Variants in FYCO1 observed in about 807,000 individuals in gnomAD.
FYCO1 encodes the protein FYVE and coiled-coil domain autophagy adaptor 1.
FYCO1 carries 122 observed loss-of-function variants against 165.1 expected under a neutral mutation model. The ratio of observed to expected loss-of-function variants is 0.74; its 90% CI spans 0.64 to 0.86. FYCO1 has a LOEUF of 0.86. Among genes scored for constraint, FYCO1 ranks in the 40% least tolerant of loss-of-function variants. The pLI, the probability that FYCO1 is intolerant of heterozygous loss-of-function variation, is 0.00. For synonymous variants in FYCO1, 648 were observed against 742.5 expected, an observed-to-expected ratio of 0.87 and a Z score of 2.07; for missense variants, 1,702 against 1,810.3, an observed-to-expected ratio of 0.94 and a Z score of 1.09.
At chr3:45,949,028 G>A (rs1408688160) in intron 14 of FYCO1, among the ~76,000 whole-genome samples, 1 of 152,156 alleles carries the variant, frequency 6.6e-6, no homozygotes, top group Non-Finnish European at 1.5e-5. Context: ...CAAAATGGAA[G>A]CCCTCCATGT....
chr3:45,981,502 G>A, intron 3 of FYCO1, 68 bp downstream of exon 3: 1 of 1,005,528 alleles, frequency 9.9e-7, no homozygotes, highest in African/African-American at 1.6e-5. Context: ...CTTGAATGCT[G>A]ATGAGTCACC....
At chr3:45,922,172 A>C (rs554515146) in intron 17 of FYCO1, among the ~76,000 whole-genome samples, 2 of 152,322 alleles carry the variant, frequency 1.3e-5, no homozygotes, top group South Asian at 2.1e-4. Context: ...GGAGCAGGCA[A>C]TGGGAGGAGG....
At chr3:45,990,369 C>T (rs1707505571) in intron 1 of FYCO1, among the ~76,000 whole-genome samples, 1 of 152,166 alleles carries the variant, frequency 6.6e-6, no homozygotes, top group Non-Finnish European at 1.5e-5. Flanking sequence ...AAATAGATAA[C>T]ATATACCCCA....
At chr3:45,944,779 C>G (rs1371575729) in intron 14 of FYCO1, among the ~76,000 whole-genome samples, 7 of 151,776 alleles carry the variant, frequency 4.6e-5, no homozygotes, top group Admixed American at 4.6e-4. Flanking sequence ...AGGAAGATAC[C>G]AAAAAAAGGC....
intron 14 of FYCO1, chr3:45,946,601 G>C: frequency 6.2e-7 from 1 of 1,614,202 alleles, no homozygotes; most frequent in South Asian, 1.1e-5. Context: ...TGTACCTGGT[G>C]GTGTTTGTCT....
intron 2 of FYCO1, among the ~76,000 whole-genome samples, chr3:45,983,188 T>C (rs1707139311): frequency 6.6e-6 from 1 of 152,136 alleles, no homozygotes; most frequent in Non-Finnish European, 1.5e-5. Context: ...TTGTCCAACA[T>C]TTTCGAGGGT....
chr3:45,995,115 A>G (rs1575395482), intron 1 of FYCO1, among the ~76,000 whole-genome samples: 1 of 147,932 alleles, frequency 6.8e-6, no homozygotes, highest in East Asian at 2.1e-4. Flanking sequence ...CACACCAGAG[A>G]CAACAGGTGT....
intron 11 of FYCO1, among the ~76,000 whole-genome samples, chr3:45,960,358 C>T (rs2125840865): frequency 6.6e-6 from 1 of 152,352 alleles, no homozygotes; most frequent in South Asian, 2.1e-4. Flanking sequence ...GGCTCCATCA[C>T]TGACCAGGAA....
At position 45,966,723 on chromosome 3, in the gene FYCO1, G is replaced by A. The variant is rs767663393; in HGVS notation, c.2611C>T (p.Arg871Trp). The change falls in exon 8 of 18, where the codon CGG (arginine) becomes TGG (tryptophan). Residue 871 changes from arginine to tryptophan, a missense_variant. Coordinates refer to ENST00000296137, the MANE Select transcript of FYCO1 (RefSeq NM_024513.4). The stretch of plus-strand genomic sequence containing the variant: ...TGGGACAGCTCCTCCTGCAGGGCCC[G>A]CAGCTCCTCCTCCCTCTGCTGGGCC... ...DEAQQREEEL[R>W]ALQEELSQAK... 19 of 1,612,128 alleles carry A rather than the reference G, an allele frequency of 1.2e-5. No homozygotes were observed. The highest frequency in any genetic ancestry group is 3.3e-5 in the Admixed American group (2 of 59,990).
intron 16 of FYCO1, among the ~76,000 whole-genome samples, chr3:45,929,163 C>A (rs1236482592): frequency 6.6e-6 from 1 of 152,250 alleles, no homozygotes; most frequent in Non-Finnish European, 1.5e-5. Flanking sequence ...CAGCCACCCC[C>A]ATCTGTGGTT....
Position 45,966,645 on chromosome 3 carries a change from G to C in FYCO1, c.2689C>G (p.Gln897Glu). 6.2e-7 allele frequency: 1 copy of C among 1,614,144 alleles called. No individual in the cohort carries two copies. Among genetic ancestry groups the C allele is most frequent in the Non-Finnish European group, 8.5e-7 (1 of 1,180,046 alleles). The change falls in exon 8 of 18, where the codon CAG becomes GAG. Residue 897 changes from glutamine (Q) to glutamate (E), a missense_variant. By Grantham distance (29) the Gln-to-Glu change is conservative. Transcript: ENST00000296137. ...GTGTCTGTGTTGGCCCGGTGCAGCT[G>C]CTCTTGCAGCTCAGCGTGCTCCAGC... ...AQLEHAELQE[Q>E]LHRANTDTAE...
rs182157926 is a variant in FYCO1 at position 45,931,918 on chromosome 3, G to A, written c.4041-637C>T. Among the ~76,000 whole-genome samples, 294 of 152,252 alleles carry A rather than the reference G, an allele frequency of 1.9e-3. 1 individual carries two copies. The highest frequency in any genetic ancestry group is 6.9e-3 in the African/African-American group (286 of 41,544). On this transcript the variant is annotated intron_variant, in intron 15 of 17. Transcript: ENST00000296137. ...GAAAAGCTTGTTCTTACTCTCCCTG[G>A]GTAGATAAAAGCTTCTTCAAGAAGT...
intron 3 of FYCO1, among the ~76,000 whole-genome samples, chr3:45,981,323 A>G (rs1406165298): frequency 1.3e-5 from 2 of 152,210 alleles, no homozygotes; most frequent in South Asian, 4.1e-4. Context: ...CTACCTTACA[A>G]TGACCTAAAT....
chr3:45,947,195 T>A, intron 14 of FYCO1: 1 of 1,614,216 alleles, frequency 6.2e-7, no homozygotes, highest in South Asian at 1.1e-5. Flanking sequence ...TGGTGATGGC[T>A]GTGTTCCTGC....
chr3:45,951,275 CA>C (rs1705007191), intron 14 of FYCO1, among the ~76,000 whole-genome samples: 1 of 152,186 alleles, frequency 6.6e-6, no homozygotes, highest in African/African-American at 2.4e-5. Flanking sequence ...AGTTCTCATG[CA>C]ATCTTCCTAA....
At chr3:45,927,311 C>T (rs1301911710) in intron 16 of FYCO1, among the ~76,000 whole-genome samples, 1 of 152,148 alleles carries the variant, frequency 6.6e-6, no homozygotes. Context: ...TCAAAGGATT[C>T]AAGTTATACA....
At chr3:45,932,400 T>C in intron 15 of FYCO1, among the ~76,000 whole-genome samples, 1 of 152,244 alleles carries the variant, frequency 6.6e-6, no homozygotes, top group East Asian at 1.9e-4. Flanking sequence ...GTTACTGCAA[T>C]GGCTCCTTGA....
chr3:45,944,772 A>G (rs770128162), intron 14 of FYCO1, among the ~76,000 whole-genome samples: 4 of 152,236 alleles, frequency 2.6e-5, no homozygotes, highest in African/African-American at 4.8e-5. Context: ...CTGGAACAGG[A>G]AGATACCAAA....
intron 16 of FYCO1, among the ~76,000 whole-genome samples, chr3:45,924,844 CTCAGGTGA>C (rs1235832805): frequency 1.3e-5 from 2 of 152,046 alleles, no homozygotes. Flanking sequence ...AACTCCTGAC[CTCAGGTGA>C]TCTGCCCGCC....
Sources: gnomAD v4.1 joint callset for allele counts (sites outside exome capture counted in the v4.1 genomes callset) on GRCh38, gnomAD v4.1.1 for gene constraint, MANE v1.5 for transcripts, NCBI Gene and HGNC (gene_info 2026-07-23, HGNC 2026-07-21) for gene names.